Variants in PPP1CC observed in about 807,000 individuals in gnomAD.
The protein encoded by PPP1CC is serine/threonine-protein phosphatase PP1-gamma catalytic subunit.
PPP1CC carries 16 observed loss-of-function variants against 38.4 expected under a neutral mutation model. That is an observed-to-expected ratio of 0.42 (90% CI 0.28 to 0.63). The LOEUF (loss-of-function observed/expected upper bound fraction) is 0.63. Ranked by LOEUF, PPP1CC falls within the 30% of genes least tolerant of loss-of-function variation. PPP1CC has a pLI of 0.25. For missense variants in PPP1CC, 170 were observed against 391.3 expected (o/e 0.43, Z 4.77); for synonymous variants, 158 against 136.0 (o/e 1.16, Z -1.13).
rs112975191 is a variant in PPP1CC, at chr12:110,728,116, C to T, written c.418+2413G>A. Among the ~76,000 whole-genome samples, 224 of 152,202 alleles carry T rather than the reference C, an allele frequency of 1.5e-3. 1 individual carries two copies. The highest frequency in any genetic ancestry group is 5.1e-3 in the African/African-American group (210 of 41,556). ...TAAAAGGAATCCTTTAACTCAAGAG[C>T]AGGCCAGGCACGGTGGCTCACGCCT... On this transcript the variant is annotated intron_variant, in intron 3 of 6. Transcript: ENST00000335007.
chr12:110,727,492 C>T (rs958641917), intron 3 of PPP1CC, among the ~76,000 whole-genome samples: 3 of 152,094 alleles, frequency 2.0e-5, no homozygotes, highest in Admixed American at 6.6e-5. Flanking sequence ...TGAGCCATAA[C>T]CTGTAATGCG....
chr12:110,724,074 TA>T (rs1374274909), intron 4 of PPP1CC, among the ~76,000 whole-genome samples: 1 of 151,522 alleles, frequency 6.6e-6, no homozygotes, highest in Non-Finnish European at 1.5e-5. Context: ...CCGTCTCTAC[TA>T]AAAATACAAA....
Position 110,724,780 on chromosome 12 carries a change from G to T in PPP1CC, c.419-16C>A. ...CTTCTTTTACCTGTGATTAAAAAGA[G>T]AGTATTACATTAAAAAGAGAGTATT... On this transcript the variant is annotated splice_polypyrimidine_tract_variant and intron_variant, in intron 3 of 6. Coordinates refer to ENST00000335007, the MANE Select transcript of PPP1CC (RefSeq NM_002710.4). The T allele has an allele frequency of 1.4e-6, 2 of 1,427,912 alleles. No homozygotes were observed. Among genetic ancestry groups the T allele is most frequent in the South Asian group, 2.3e-5 (2 of 86,966 alleles). The allele number at this position is 1,427,912 out of a possible 1,614,324, so 88.5% of individuals were successfully genotyped here. A position where few individuals can be genotyped will look rare whatever the true frequency, so the allele number is the denominator to read the frequency against.
At chr12:110,713,530 T>A in the PPP1CC span, among the ~76,000 whole-genome samples, 1 of 152,088 alleles carries the variant, frequency 6.6e-6, no homozygotes, top group African/African-American at 2.4e-5. Flanking sequence ...CTCTACCTAA[T>A]AAGTTGTACT....
chr12:110,733,695 G>A (rs988620088), intron 1 of PPP1CC, among the ~76,000 whole-genome samples: 2 of 152,128 alleles, frequency 1.3e-5, no homozygotes, highest in East Asian at 3.9e-4. Flanking sequence ...GCTTACTGCA[G>A]CCTCAACCTT....
At chr12:110,710,229 A>G in the PPP1CC span, among the ~76,000 whole-genome samples, 1 of 152,058 alleles carries the variant, frequency 6.6e-6, no homozygotes, top group Non-Finnish European at 1.5e-5. Flanking sequence ...AAAAGGGCAA[A>G]GATAACCTCT....
chr12:110,708,588 C>T, the PPP1CC span, among the ~76,000 whole-genome samples: 6 of 152,110 alleles, frequency 3.9e-5, no homozygotes, highest in South Asian at 1.0e-3. Context: ...GTGGCTTACA[C>T]CTGTAATCCC....
At chr12:110,726,990 T>G (rs1357952089) in intron 3 of PPP1CC, among the ~76,000 whole-genome samples, 1 of 152,172 alleles carries the variant, frequency 6.6e-6, no homozygotes, top group Non-Finnish European at 1.5e-5. Context: ...CTAGGGGGAA[T>G]GAAGCGACGC....
chr12:110,731,652 T>C lies in PPP1CC; in HGVS notation c.187+118A>G, dbSNP rs889566648. The C allele has an allele frequency of 5.2e-6, 6 of 1,164,924 alleles. No homozygotes were observed. In the African/African-American group the frequency reaches 6.2e-5, roughly 12 times the overall value. 72.2% of individuals were successfully genotyped at this position (1,164,924 alleles called of 1,614,324 possible). A position where few individuals can be genotyped will look rare whatever the true frequency, so the allele number is the denominator to read the frequency against. On this transcript the variant is annotated intron_variant, in intron 2 of 6. Coordinates refer to ENST00000335007, the MANE Select transcript of PPP1CC (RefSeq NM_002710.4). ...TACTATTTAACTTACTTTTAAGTAG[T>C]TCCAAGCTATTCGCAAACAGGATAA...
chr12:110,724,092 G>C (rs563621523), intron 4 of PPP1CC, among the ~76,000 whole-genome samples: 138 of 152,068 alleles, frequency 9.1e-4, no homozygotes, highest in African/African-American at 3.3e-3. Context: ...CAAAAAATTA[G>C]CCAAGCGTGG....
intron 1 of PPP1CC, among the ~76,000 whole-genome samples, chr12:110,741,087 G>A (rs2070011984): frequency 6.6e-6 from 1 of 152,026 alleles, no homozygotes; most frequent in Admixed American, 6.6e-5. Context: ...TAAATACCTG[G>A]CATTAAAAGA....
intron 2 of PPP1CC, among the ~76,000 whole-genome samples, chr12:110,731,302 T>G (rs1398925780): frequency 6.6e-6 from 1 of 150,762 alleles, no homozygotes. Context: ...GTTTTATCAA[T>G]GCAAATATGC....
At chr12:110,741,205 T>A (rs2070013537) in intron 1 of PPP1CC, among the ~76,000 whole-genome samples, 1 of 151,864 alleles carries the variant, frequency 6.6e-6, no homozygotes, top group Non-Finnish European at 1.5e-5. Context: ...GTTTTTTTTT[T>A]AAAGACAGCA....
chr12:110,732,408 GA>G, intron 1 of PPP1CC: 1 of 154,684 alleles, frequency 6.5e-6, no homozygotes, highest in Admixed American at 6.6e-5. Context: ...AAAAAAAAAA[GA>G]AAAGGAAAGA....
At chr12:110,719,041 C>T, downstream of PPP1CC, among the ~76,000 whole-genome samples, 1 of 152,072 alleles carries the variant, frequency 6.6e-6, no homozygotes, top group East Asian at 1.9e-4. Context: ...TAGAGCAGCC[C>T]AATTTTACTT....
At chr12:110,737,890 G>C (rs377149944) in intron 1 of PPP1CC, among the ~76,000 whole-genome samples, 3 of 152,164 alleles carry the variant, frequency 2.0e-5, no homozygotes, top group African/African-American at 7.2e-5. Context: ...CAGGTCTCCA[G>C]CCTGGGGACA....
rs77362774 is a variant in PPP1CC, at chr12:110,732,027, T to A, written c.56-126A>T. On this transcript the variant is annotated intron_variant, in intron 1 of 6. Coordinates refer to ENST00000335007, the MANE Select transcript of PPP1CC (RefSeq NM_002710.4). ...AGTGGCTTCATTTTCAGGACACTTATAATAAACATGGTTTTAATGTCTAAT... is the reference window on the plus strand; with the variant it reads ...AGTGGCTTCATTTTCAGGACACTTAAAATAAACATGGTTTTAATGTCTAAT... The A allele has an allele frequency of 3.0e-6, 3 of 989,684 alleles. No individual in the cohort carries two copies. The East Asian group carries it at 7.6e-5, about 25-fold the overall frequency. 61.3% of individuals were successfully genotyped at this position (989,684 alleles called of 1,614,324 possible). A position where few individuals can be genotyped will look rare whatever the true frequency, so the allele number is the denominator to read the frequency against.
chr12:110,728,014 C>T (rs73419347), intron 3 of PPP1CC, among the ~76,000 whole-genome samples: 8 of 152,112 alleles, frequency 5.3e-5, no homozygotes, highest in Non-Finnish European at 1.2e-4. Flanking sequence ...TTAGGATACA[C>T]GTCACAAAAA....
chr12:110,713,732 T>C, the PPP1CC span, among the ~76,000 whole-genome samples: 3,078 of 152,244 alleles, frequency 0.02, 126 homozygotes, highest in African/African-American at 0.069. Flanking sequence ...GTTTGATGGG[T>C]TCCACCTGTC....
Sources: gnomAD v4.1 joint callset for allele counts (sites outside exome capture counted in the v4.1 genomes callset) on GRCh38, gnomAD v4.1.1 for gene constraint, MANE v1.5 for transcripts, NCBI Gene and HGNC (gene_info 2026-07-23, HGNC 2026-07-21) for gene names.